CAMKMT: variants seen among roughly 807,000 people sequenced by gnomAD.
CAMKMT encodes the protein CaM KMT.
CAMKMT carries 53 observed loss-of-function variants against 48.0 expected under a neutral mutation model. The observed-to-expected ratio is 1.10, with a 90% CI of 0.89 to 1.39. The LOEUF is 1.39. CAMKMT is among the 40% of genes most tolerant of loss of function. CAMKMT has a pLI of 0.00. For missense variants in CAMKMT, 428 were observed against 402.7 expected (o/e 1.06, Z -0.54); for synonymous variants, 165 against 152.3 (o/e 1.08, Z -0.61).
At chr2:44,591,037 C>T (rs1670232435) in intron 3 of CAMKMT, among the ~76,000 whole-genome samples, 2 of 152,108 alleles carry the variant, frequency 1.3e-5, no homozygotes, top group Non-Finnish European at 2.9e-5. Context: ...TTATTTTTCT[C>T]AGGTTTGTCA....
At chr2:44,638,978 G>A (rs915763714) in intron 3 of CAMKMT, among the ~76,000 whole-genome samples, 3 of 152,198 alleles carry the variant, frequency 2.0e-5, no homozygotes, top group African/African-American at 7.2e-5. Flanking sequence ...TGCCAAGTTA[G>A]CTCCCCAAAT....
intron 3 of CAMKMT, among the ~76,000 whole-genome samples, chr2:44,604,481 C>T (rs909345106): frequency 2.7e-5 from 4 of 150,796 alleles, no homozygotes; most frequent in African/African-American, 9.8e-5. Flanking sequence ...AATTCAGAGT[C>T]GGAAGATTTT....
chr2:44,392,440 A>G (rs961464647), intron 3 of CAMKMT, among the ~76,000 whole-genome samples: 2 of 152,060 alleles, frequency 1.3e-5, no homozygotes, highest in African/African-American at 4.8e-5. Flanking sequence ...ATAATCTTGG[A>G]CGTAAAGTAA....
intron 3 of CAMKMT, among the ~76,000 whole-genome samples, chr2:44,425,023 AG>A (rs1684189117): frequency 6.6e-6 from 1 of 152,252 alleles, no homozygotes; most frequent in East Asian, 1.9e-4. Context: ...TTTGATAAAT[AG>A]ATTTCATATC....
intron 3 of CAMKMT, among the ~76,000 whole-genome samples, chr2:44,690,409 C>T (rs779060179): frequency 1.1e-4 from 16 of 152,172 alleles, no homozygotes; most frequent in Non-Finnish European, 1.9e-4. Context: ...GCAACTAGTT[C>T]TCTTGATTCT....
At chr2:44,484,000 C>T in intron 3 of CAMKMT, among the ~76,000 whole-genome samples, 1 of 152,256 alleles carries the variant, frequency 6.6e-6, no homozygotes, top group East Asian at 1.9e-4. Flanking sequence ...GAATCACAGG[C>T]ATGCTCTTAA....
chr2:44,719,506 C>G (rs184475788), intron 7 of CAMKMT, among the ~76,000 whole-genome samples: 1 of 152,148 alleles, frequency 6.6e-6, no homozygotes, highest in Non-Finnish European at 1.5e-5. Context: ...GGGAGGGAAA[C>G]AGATCATGTT....
intron 3 of CAMKMT, among the ~76,000 whole-genome samples, chr2:44,568,066 G>C (rs1261018784): frequency 6.6e-6 from 1 of 151,920 alleles, no homozygotes; most frequent in African/African-American, 2.4e-5. Context: ...CCAGGGTGGG[G>C]GTGGGTGATC....
intron 3 of CAMKMT, among the ~76,000 whole-genome samples, chr2:44,448,428 T>A (rs2104583653): frequency 6.6e-6 from 1 of 152,334 alleles, no homozygotes; most frequent in East Asian, 1.9e-4. Flanking sequence ...TAAATGGTGC[T>A]GCGTGAGAAT....
chr2:44,495,753 G>C (rs1007414406), intron 3 of CAMKMT, among the ~76,000 whole-genome samples: 5 of 152,256 alleles, frequency 3.3e-5, no homozygotes, highest in Admixed American at 1.3e-4. Flanking sequence ...AGCTGTCACA[G>C]TGTAGTTCCA....
chr2:44,679,495 GT>G (rs1002215956), intron 3 of CAMKMT, among the ~76,000 whole-genome samples: 3 of 152,158 alleles, frequency 2.0e-5, no homozygotes, highest in Admixed American at 2.0e-4. Context: ...CTTCTAGATG[GT>G]TTATTAATGA....
intron 3 of CAMKMT, among the ~76,000 whole-genome samples, chr2:44,464,097 G>A (rs1667987463): frequency 6.6e-6 from 1 of 152,038 alleles, no homozygotes; most frequent in African/African-American, 2.4e-5. Context: ...ATGAAATCAG[G>A]CAAACAAAGC....
At chr2:44,489,074 C>T (rs1361112284) in intron 3 of CAMKMT, among the ~76,000 whole-genome samples, 1 of 151,862 alleles carries the variant, frequency 6.6e-6, no homozygotes, top group Admixed American at 6.6e-5. Context: ...GCCATGTTGT[C>T]CAGGCTGGTT....
intron 3 of CAMKMT, among the ~76,000 whole-genome samples, chr2:44,467,556 AAAAAC>A (rs1465523521): frequency 2.6e-5 from 4 of 152,000 alleles, no homozygotes; most frequent in Admixed American, 6.6e-5. Context: ...AAAAACAAAA[AAAAAC>A]AAAGCCAAAC....
intron 7 of CAMKMT, among the ~76,000 whole-genome samples, chr2:44,719,210 A>G (rs528855471): frequency 1.3e-5 from 2 of 152,082 alleles, no homozygotes; most frequent in Middle Eastern, 3.4e-3. Context: ...CCTCTTCTCC[A>G]TCTAAATCCT....
intron 3 of CAMKMT, among the ~76,000 whole-genome samples, chr2:44,673,522 G>GAAGT (rs945472268): frequency 1.3e-5 from 1 of 76,626 alleles, no homozygotes; most frequent in Non-Finnish European, 2.7e-5. Context: ...AGGAAGGAAG[G>GAAGT]AGGGAAGGAA....
intron 3 of CAMKMT, among the ~76,000 whole-genome samples, chr2:44,538,581 A>C (rs900690476): frequency 6.6e-6 from 1 of 152,104 alleles, no homozygotes; most frequent in South Asian, 2.1e-4. Context: ...ATGAGAATGC[A>C]AAGATACAGA....
At chr2:44,464,886 T>C (rs1440570825) in intron 3 of CAMKMT, among the ~76,000 whole-genome samples, 1 of 152,030 alleles carries the variant, frequency 6.6e-6, no homozygotes, top group Non-Finnish European at 1.5e-5. Context: ...CAAAAACATA[T>C]GAAAATGTAA....
At chr2:44,405,138 A>T (rs1682693608) in intron 3 of CAMKMT, among the ~76,000 whole-genome samples, 1 of 152,108 alleles carries the variant, frequency 6.6e-6, no homozygotes, top group Admixed American at 6.5e-5. Context: ...TCTAAATACA[A>T]GGTTTAAAAG....
Sources: gnomAD v4.1 joint callset for allele counts (sites outside exome capture counted in the v4.1 genomes callset) on GRCh38, gnomAD v4.1.1 for gene constraint, MANE v1.5 for transcripts, NCBI Gene and HGNC (gene_info 2026-07-23, HGNC 2026-07-21) for gene names.